The following ST3GAL3 variants were observed in gnomAD, a reference collection of about 807,000 sequenced individuals.
ST3GAL3 encodes ST3 beta-galactoside alpha-2,3-sialyltransferase 3.
A neutral mutation model predicts 50.1 loss-of-function variants in ST3GAL3; 21 were observed. That is an observed-to-expected ratio of 0.42 (90% CI 0.30 to 0.60). The LOEUF (loss-of-function observed/expected upper bound fraction) is 0.60, where lower values mean the gene tolerates loss of function less well. Ranked by LOEUF, ST3GAL3 falls within the 20% of genes least tolerant of loss-of-function variation. ST3GAL3 has a pLI of 0.19. For missense variants in ST3GAL3, 353 were observed against 489.4 expected, an observed-to-expected ratio of 0.72 and a Z score of 2.63; for synonymous variants, 183 against 190.0, an observed-to-expected ratio of 0.96 and a Z score of 0.30.
chr1:43,842,888 C>T (rs2065641862), intron 5 of ST3GAL3: 1 of 151,636 alleles, frequency 6.6e-6, no homozygotes, highest in Admixed American at 6.6e-5. Flanking sequence ...TCTGCTTTCT[C>T]CATTGAATTA....
rs931420851 is a variant in ST3GAL3 at position 43,930,953 on chromosome 1, C to T, written c.*732C>T. On this transcript the variant is annotated 3_prime_UTR_variant, in exon 12 of 12. Transcript: ENST00000347631. ...CAGCTCCGCCTGCTGGGAAGAGCTC[C>T]CCTCCACAGCTGCAGCTGATCCATA... is the stretch of plus-strand genomic sequence containing the variant. 8 of 155,978 alleles carry T rather than the reference C, an allele frequency of 5.1e-5. No individual in the cohort carries two copies. The highest frequency in any genetic ancestry group is 2.5e-4 in the Admixed American group (4 of 16,040). 9.7% of individuals were successfully genotyped at this position (155,978 alleles called of 1,614,324 possible).
chr1:43,765,774 TGTGTGTGTGTGCGCGC>T (rs1558202321), intron 2 of ST3GAL3, among the ~76,000 whole-genome samples: 2 of 126,806 alleles, frequency 1.6e-5, no homozygotes, highest in African/African-American at 6.3e-5. Flanking sequence ...TGTGTGTGTG[TGTGTGTGTGTGCGCGC>T]GCGCGCGCGC....
At chr1:43,884,876 C>A (rs1036873551) in intron 5 of ST3GAL3, among the ~76,000 whole-genome samples, 29 of 152,334 alleles carry the variant, frequency 1.9e-4, no homozygotes, top group African/African-American at 6.0e-4. Flanking sequence ...GCACCTCTTT[C>A]AGTTGGGTTG....
intron 3 of ST3GAL3, chr1:43,801,729 G>A (rs2059342636): frequency 5.8e-6 from 1 of 172,852 alleles, no homozygotes; most frequent in South Asian, 1.4e-4. Flanking sequence ...CAAAGCAGGA[G>A]GATCAGTTGA....
At chr1:43,824,720 C>G (rs2062558180) in intron 4 of ST3GAL3, 1 of 1,613,776 alleles carries the variant, frequency 6.2e-7, no homozygotes, top group African/African-American at 1.3e-5. Context: ...AGCCAAATTC[C>G]CACTTTGCAG....
chr1:43,758,067 A>G (rs1688761457), intron 2 of ST3GAL3, among the ~76,000 whole-genome samples: 1 of 152,172 alleles, frequency 6.6e-6, no homozygotes, highest in African/African-American at 2.4e-5. Context: ...TAAGCACTTG[A>G]AAAGATTCTC....
At chr1:43,838,198 A>C in intron 4 of ST3GAL3, 21 bp from the exon 5 acceptor site, 1 of 1,591,036 alleles carries the variant, frequency 6.3e-7, no homozygotes, top group Non-Finnish European at 8.6e-7. Context: ...GCAAGCTGTA[A>C]CTTTCCTTCT....
intron 2 of ST3GAL3, 96 bp downstream of exon 2, chr1:43,736,476 G>T: frequency 6.2e-7 from 1 of 1,606,794 alleles, no homozygotes; most frequent in East Asian, 2.2e-5. Context: ...TCAGAGATGG[G>T]CAATGAGAGT....
intron 9 of ST3GAL3, chr1:43,911,326 T>C (rs2080785281): frequency 6.6e-6 from 1 of 150,496 alleles, no homozygotes; most frequent in South Asian, 2.1e-4. Context: ...CTTTTTCTTT[T>C]TTTTTTTTTT....
chr1:43,861,875 A>AG (rs2070028360), intron 5 of ST3GAL3, among the ~76,000 whole-genome samples: 1 of 152,174 alleles, frequency 6.6e-6, no homozygotes, highest in Admixed American at 6.5e-5. Context: ...CTAAAAATAC[A>AG]AAATTAGCCG....
Position 43,899,284 on chromosome 1 carries a change from C to T in ST3GAL3, c.557+21C>T. 1.2e-6 allele frequency: 2 copies of T among 1,614,182 alleles called. No homozygotes were observed. The highest frequency in any genetic ancestry group is 1.7e-6 in the Non-Finnish European group (2 of 1,180,040). On this transcript the variant is annotated intron_variant, in intron 8 of 11. Coordinates refer to ENST00000347631, the MANE Select transcript of ST3GAL3 (RefSeq NM_006279.5). This position sits in a 1 kb window ranked among gnomAD's most constrained non-coding sequence, Gnocchi z 5.4. ...GTGAGGTGAGCTCCCCAAAATGGCA[C>T]CTCGGGTGAGTGTCGTGGCCCCAAC...
At chr1:43,805,732 CTTCTTTTTTTTCTT>C (rs1039297659) in intron 3 of ST3GAL3, among the ~76,000 whole-genome samples, 14 of 152,092 alleles carry the variant, frequency 9.2e-5, no homozygotes, top group African/African-American at 3.4e-4. Flanking sequence ...AAGGAACGCT[CTTCTTTTTTTTCTT>C]TTCTTTTTTG....
At chr1:43,876,913 C>T (rs1323533990) in intron 5 of ST3GAL3, among the ~76,000 whole-genome samples, 3 of 152,168 alleles carry the variant, frequency 2.0e-5, no homozygotes, top group African/African-American at 7.2e-5. Context: ...AAAGACAAGG[C>T]ATGGTGATAA....
intron 5 of ST3GAL3, among the ~76,000 whole-genome samples, chr1:43,873,363 A>G (rs1473028097): frequency 1.3e-5 from 2 of 152,254 alleles, no homozygotes; most frequent in African/African-American, 2.4e-5. Flanking sequence ...AACTGGAAGA[A>G]TGAAGATGCC....
intron 3 of ST3GAL3, among the ~76,000 whole-genome samples, chr1:43,805,579 C>T (rs1225684482): frequency 2.0e-5 from 3 of 152,168 alleles, no homozygotes; most frequent in East Asian, 1.9e-4. Context: ...TTAGGTGATG[C>T]ACCTGTGAGG....
chr1:43,772,136 GC>G, intron 2 of ST3GAL3: 2 of 396,422 alleles, frequency 5.0e-6, no homozygotes. Flanking sequence ...CGCAACCTCC[GC>G]CTCCCGGGTT....
At chr1:43,861,310 A>G (rs1199543952) in intron 5 of ST3GAL3, among the ~76,000 whole-genome samples, 4 of 152,128 alleles carry the variant, frequency 2.6e-5, no homozygotes, top group Non-Finnish European at 5.9e-5. Flanking sequence ...TGTCCATGAC[A>G]TGTGTGTCCT....
At position 43,862,783 on chromosome 1, in the gene ST3GAL3, G is replaced by C. The variant is rs539697818; in HGVS notation, c.302+24472G>C. 3.1e-4 allele frequency among the ~76,000 whole-genome samples: 47 copies of C among 151,820 alleles called. No homozygotes were observed. In the Middle Eastern group the frequency reaches 0.01, roughly 33 times the overall value. ...AAAAAAAAATTTAATTAGCATAATGGTGTGCACTTGTAGCCCTAGCTATTC... is the reference window on the plus strand; with the variant it reads ...AAAAAAAAATTTAATTAGCATAATGCTGTGCACTTGTAGCCCTAGCTATTC... On this transcript the variant is annotated intron_variant, in intron 5 of 11. Coordinates refer to ENST00000347631, the MANE Select transcript of ST3GAL3 (RefSeq NM_006279.5).
intron 5 of ST3GAL3, among the ~76,000 whole-genome samples, chr1:43,869,548 G>T (rs1276269796): frequency 6.6e-6 from 1 of 152,096 alleles, no homozygotes; most frequent in Non-Finnish European, 1.5e-5. Context: ...CCCCATTTTT[G>T]ATGCTCCTCA....
Sources: gnomAD v4.1 joint callset for allele counts (sites outside exome capture counted in the v4.1 genomes callset) on GRCh38, gnomAD v4.1.1 for gene constraint, Gnocchi (gnomAD v3.1) non-coding constraint, MANE v1.5 for transcripts, NCBI Gene and HGNC (gene_info 2026-07-23, HGNC 2026-07-21) for gene names.